The following SLC2A13 variants were observed in gnomAD, a reference collection of about 807,000 sequenced individuals.
SLC2A13 encodes proton myo-inositol cotransporter.
SLC2A13 carries 32 observed loss-of-function variants against 64.4 expected under a neutral mutation model. That is an observed-to-expected ratio of 0.50 (90% CI 0.37 to 0.67). The LOEUF (loss-of-function observed/expected upper bound fraction) is 0.67. Among genes scored for constraint, SLC2A13 ranks in the 30% least tolerant of loss-of-function variants. The pLI is 0.00. For synonymous variants in SLC2A13, 338 were observed against 327.1 expected (o/e 1.03, Z -0.36); for missense variants, 743 against 829.2 (o/e 0.90, Z 1.28).
intron 7 of SLC2A13, among the ~76,000 whole-genome samples, chr12:39,818,070 C>A (rs189943021): frequency 6.6e-6 from 1 of 152,314 alleles, no homozygotes; most frequent in East Asian, 1.9e-4. Flanking sequence ...TAATTTACCT[C>A]CTGCATTCTT....
intron 7 of SLC2A13, among the ~76,000 whole-genome samples, chr12:39,783,459 A>G (rs1439087407): frequency 6.6e-6 from 1 of 152,196 alleles, no homozygotes; most frequent in Non-Finnish European, 1.5e-5. Flanking sequence ...GTCTTCCACA[A>G]TGGTTGAACT....
intron 3 of SLC2A13, among the ~76,000 whole-genome samples, chr12:39,993,404 T>C (rs1285713210): frequency 6.6e-6 from 1 of 152,258 alleles, no homozygotes; most frequent in Non-Finnish European, 1.5e-5. Flanking sequence ...CTGGCTACCA[T>C]TTCTCAGATG....
At chr12:39,964,883 A>G (rs965323705) in intron 3 of SLC2A13, among the ~76,000 whole-genome samples, 1 of 152,220 alleles carries the variant, frequency 6.6e-6, no homozygotes. Context: ...CAGTTAGTAA[A>G]GAAGGCCAGC....
intron 3 of SLC2A13, among the ~76,000 whole-genome samples, chr12:39,956,872 ATAAAG>A (rs1409009705): frequency 6.6e-6 from 1 of 152,190 alleles, no homozygotes; most frequent in East Asian, 1.9e-4. Context: ...CCCACTGCTG[ATAAAG>A]TAAAGATGCC....
At chr12:40,053,281 CAAAAAAAAA>C (rs35810974) in intron 1 of SLC2A13, among the ~76,000 whole-genome samples, 2 of 69,122 alleles carry the variant, frequency 2.9e-5, no homozygotes, top group Admixed American at 3.3e-4. Context: ...GACTCCATCT[CAAAAAAAAA>C]AAAAAAAAAA....
At chr12:40,095,418 A>AAACTCTAT (rs1370401004) in intron 1 of SLC2A13, among the ~76,000 whole-genome samples, 1 of 152,202 alleles carries the variant, frequency 6.6e-6, no homozygotes, top group Non-Finnish European at 1.5e-5. Flanking sequence ...CTCTATGTCC[A>AAACTCTAT]GCTGTAATTT....
intron 4 of SLC2A13, among the ~76,000 whole-genome samples, chr12:39,945,351 G>T (rs1195322855): frequency 6.6e-6 from 1 of 152,078 alleles, no homozygotes; most frequent in African/African-American, 2.4e-5. Context: ...GTCTTTTTGT[G>T]ATGAATTTTC....
intron 7 of SLC2A13, among the ~76,000 whole-genome samples, chr12:39,773,964 G>T (rs137922761): frequency 2.6e-5 from 4 of 152,274 alleles, no homozygotes. Context: ...AGTGAAGCAC[G>T]ATTTTATTTC....
chr12:40,104,281 GC>G (rs1288265099), intron 1 of SLC2A13, among the ~76,000 whole-genome samples: 1 of 152,288 alleles, frequency 6.6e-6, no homozygotes, highest in African/African-American at 2.4e-5. Context: ...TTAAGTCACA[GC>G]CCCCCACTTT....
At chr12:40,044,328 G>C (rs1293047650) in intron 2 of SLC2A13, among the ~76,000 whole-genome samples, 4 of 152,032 alleles carry the variant, frequency 2.6e-5, no homozygotes, top group Admixed American at 6.6e-5. Context: ...GGGGGGTTAG[G>C]GGGTGATGGC....
chr12:39,781,404 T>A (rs1276727386), intron 7 of SLC2A13, among the ~76,000 whole-genome samples: 1 of 152,058 alleles, frequency 6.6e-6, no homozygotes, highest in African/African-American at 2.4e-5. Flanking sequence ...CCCTCCAGCC[T>A]TCCACAGCAC....
intron 2 of SLC2A13, among the ~76,000 whole-genome samples, chr12:40,035,402 T>A (rs1947966572): frequency 6.6e-6 from 1 of 152,230 alleles, no homozygotes; most frequent in Non-Finnish European, 1.5e-5. Context: ...TTTTAGTTCA[T>A]GCTTCACAAG....
intron 6 of SLC2A13, among the ~76,000 whole-genome samples, chr12:39,836,203 A>G (rs920663121): frequency 1.3e-5 from 2 of 152,078 alleles, no homozygotes; most frequent in African/African-American, 4.8e-5. Context: ...AATTGTAGAC[A>G]CCTTTCCCTT....
intron 4 of SLC2A13, among the ~76,000 whole-genome samples, chr12:39,874,534 G>C (rs1944132270): frequency 6.7e-6 from 1 of 149,362 alleles, no homozygotes; most frequent in African/African-American, 2.5e-5. Context: ...AGAATTGCTT[G>C]AACCTGGGAG....
intron 7 of SLC2A13, among the ~76,000 whole-genome samples, chr12:39,772,059 T>C (rs1321414360): frequency 6.6e-6 from 1 of 152,106 alleles, no homozygotes; most frequent in Non-Finnish European, 1.5e-5. Context: ...TCTCTCCTCC[T>C]CTCAACTCCT....
chr12:39,981,313 A>G (rs1273862872), intron 3 of SLC2A13, among the ~76,000 whole-genome samples: 8 of 151,952 alleles, frequency 5.3e-5, no homozygotes, highest in Non-Finnish European at 1.0e-4. Flanking sequence ...AAGGCAAGAA[A>G]TAACTAAAAT....
rs559541479 is a variant in SLC2A13 at position 39,818,995 on chromosome 12, C to T, written c.1445+11108G>A. ...TATTTCCCAAAAACTCAATGTTAAACGAACGAAGATGTTTTTCCACTGTCA... is the reference window on the plus strand; with the variant it reads ...TATTTCCCAAAAACTCAATGTTAAATGAACGAAGATGTTTTTCCACTGTCA... On this transcript the variant is annotated intron_variant, in intron 7 of 9. Transcript: ENST00000280871. 4.6e-4 allele frequency among the ~76,000 whole-genome samples: 70 copies of T among 152,180 alleles called. 1 individual carries two copies. Among genetic ancestry groups the T allele is most frequent in the African/African-American group, 1.6e-3 (67 of 41,540 alleles).
chr12:39,942,012 T>G (rs1565553325), intron 4 of SLC2A13, among the ~76,000 whole-genome samples: 1 of 152,158 alleles, frequency 6.6e-6, no homozygotes, highest in African/African-American at 2.4e-5. Flanking sequence ...CGAAGATCAG[T>G]TGGCCTTAAG....
At chr12:40,040,647 C>A (rs952267574) in intron 2 of SLC2A13, among the ~76,000 whole-genome samples, 3 of 152,202 alleles carry the variant, frequency 2.0e-5, no homozygotes, top group Non-Finnish European at 2.9e-5. Context: ...CAGCTTTGGC[C>A]TCCCAAAGTG....
Sources: allele counts gnomAD v4.1 joint callset (sites outside exome capture counted in the v4.1 genomes callset), GRCh38; gene constraint gnomAD v4.1.1; transcripts MANE v1.5; gene names NCBI Gene and HGNC (gene_info 2026-07-23, HGNC 2026-07-21).